The following CTNNA3 variants were observed in gnomAD, a reference collection of about 807,000 sequenced individuals.
The protein encoded by CTNNA3 is catenin alpha 3.
CTNNA3 carries 76 observed loss-of-function variants against 95.7 expected under a neutral mutation model. The ratio of observed to expected loss-of-function variants is 0.79; its 90% confidence interval spans 0.66 to 0.96. The LOEUF is 0.96. Ranked by LOEUF, CTNNA3 falls within the 40% of genes least tolerant of loss-of-function variation. The pLI is 0.00. For missense variants in CTNNA3, 1,191 were observed against 1,089.8 expected (o/e 1.09, Z -1.31); for synonymous variants, 431 against 374.4 (o/e 1.15, Z -1.74).
rs546259951 is a variant in CTNNA3 at position 67,757,138 on chromosome 10, A to G, written c.-2+6296T>C. Among the ~76,000 whole-genome samples the G allele has an allele frequency of 6.6e-5, 10 of 152,348 alleles. No individual in the cohort carries two copies. In the East Asian group the frequency reaches 1.2e-3, roughly 18 times the overall value. ...AACATCTGACAGAAACATGGAATAG[A>G]GCAAATGTATCTAGTTCTAGGGGGA... is the stretch of plus-strand genomic sequence containing the variant. On this transcript the variant is annotated intron_variant, in intron 1 of 17. Coordinates refer to the CTNNA3 transcript ENST00000684154.
chr10:67,025,947 T>C (rs1853350820), intron 7 of CTNNA3, among the ~76,000 whole-genome samples: 1 of 149,856 alleles, frequency 6.7e-6, no homozygotes, highest in African/African-American at 2.5e-5. Flanking sequence ...GATGAGTTCA[T>C]GTCCTTTGTA....
chr10:66,426,979 T>G (rs7896268), intron 11 of CTNNA3, among the ~76,000 whole-genome samples: 1 of 151,770 alleles, frequency 6.6e-6, no homozygotes, highest in Admixed American at 6.6e-5. Context: ...GTAACTAATA[T>G]TCTGATATTT....
chr10:66,295,608 A>G (rs553134063), intron 12 of CTNNA3, among the ~76,000 whole-genome samples: 2 of 152,292 alleles, frequency 1.3e-5, no homozygotes, highest in Admixed American at 6.5e-5. Flanking sequence ...AAATCAGGAC[A>G]CCATACCAGG....
intron 7 of CTNNA3, among the ~76,000 whole-genome samples, chr10:66,826,666 TAAG>T (rs1842525788): frequency 6.6e-6 from 1 of 152,216 alleles, no homozygotes; most frequent in Non-Finnish European, 1.5e-5. Context: ...TCTCTGATTT[TAAG>T]TAGTTTGAGA....
intron 5 of CTNNA3, among the ~76,000 whole-genome samples, chr10:67,300,268 C>T (rs182485136): frequency 5.9e-4 from 90 of 152,244 alleles, no homozygotes; most frequent in African/African-American, 2.1e-3. Flanking sequence ...TTTCAAACAC[C>T]TCGTTTGTAA....
intron 13 of CTNNA3, among the ~76,000 whole-genome samples, chr10:66,133,032 G>C (rs1436087052): frequency 6.6e-6 from 1 of 151,072 alleles, no homozygotes; most frequent in Admixed American, 6.6e-5. Flanking sequence ...ACCTGTACAA[G>C]TACCCCAGCA....
At chr10:67,365,457 A>T (rs1215305138) in intron 5 of CTNNA3, among the ~76,000 whole-genome samples, 1 of 152,210 alleles carries the variant, frequency 6.6e-6, no homozygotes, top group Non-Finnish European at 1.5e-5. Flanking sequence ...AAAGGGAGAA[A>T]CATTTTGCAA....
Position 66,520,505 on chromosome 10 carries a change from G to A in CTNNA3, c.1531+112C>T, listed in dbSNP as rs540845544. On this transcript the variant is annotated intron_variant, in intron 11 of 17. Transcript: ENST00000433211. ...GACCTCAAGTAATCCACCTGCCTCG[G>A]CTTCCCAAAGTGTTGGCATTACAGG... The A allele has an allele frequency of 5.9e-4, 537 of 914,950 alleles. 2 individuals carry two copies. The African/African-American group carries it at 8.2e-3, about 14-fold the overall frequency. 56.7% of individuals were successfully genotyped at this position (914,950 alleles called of 1,614,324 possible).
chr10:67,593,913 T>C (rs1340303100), intron 3 of CTNNA3, among the ~76,000 whole-genome samples: 1 of 152,156 alleles, frequency 6.6e-6, no homozygotes, highest in Admixed American at 6.5e-5. Flanking sequence ...ATGGCTTTTA[T>C]TATTTTGAGG....
intron 5 of CTNNA3, among the ~76,000 whole-genome samples, chr10:67,397,577 G>A (rs555116557): frequency 6.6e-6 from 1 of 152,322 alleles, no homozygotes; most frequent in Admixed American, 6.5e-5. Context: ...CATTTTCTGG[G>A]GAGAAATTCA....
At chr10:66,420,099 C>T (rs376332722) in intron 11 of CTNNA3, among the ~76,000 whole-genome samples, 2 of 152,064 alleles carry the variant, frequency 1.3e-5, no homozygotes, top group African/African-American at 4.8e-5. Context: ...AGTAAAGAAA[C>T]CACCTGTATG....
intron 14 of CTNNA3, among the ~76,000 whole-genome samples, chr10:66,092,282 G>C (rs986669922): frequency 9.2e-5 from 14 of 151,830 alleles, no homozygotes; most frequent in African/African-American, 3.4e-4. Flanking sequence ...GCTTCTTCCT[G>C]AATCACTTCT....
At chr10:67,153,747 A>T (rs1454682449) in intron 7 of CTNNA3, among the ~76,000 whole-genome samples, 1 of 152,040 alleles carries the variant, frequency 6.6e-6, no homozygotes, top group East Asian at 1.9e-4. Context: ...TTCTTTATTG[A>T]ACTAATTAAG....
At chr10:66,321,339 A>T (rs2092182485) in intron 12 of CTNNA3, among the ~76,000 whole-genome samples, 1 of 152,156 alleles carries the variant, frequency 6.6e-6, no homozygotes, top group Admixed American at 6.5e-5. Context: ...AAACATAAAA[A>T]CTAAAGGTAA....
intron 5 of CTNNA3, among the ~76,000 whole-genome samples, chr10:67,249,449 A>C (rs1174229783): frequency 6.6e-6 from 1 of 152,224 alleles, no homozygotes; most frequent in Non-Finnish European, 1.5e-5. Flanking sequence ...TCTAGATTAT[A>C]GTAAATCCTC....
At chr10:66,291,758 ATCTG>A (rs1218332777) in intron 12 of CTNNA3, among the ~76,000 whole-genome samples, 18 of 151,610 alleles carry the variant, frequency 1.2e-4, no homozygotes, top group Non-Finnish European at 2.7e-4. Flanking sequence ...ATTAATATAT[ATCTG>A]TCTGTATATA....
In CTNNA3 at chr10:66,225,390, AATATATAT is replaced by A. The variant is rs3053735; in HGVS notation, c.1884+55072_1884+55079del. On this transcript the variant is annotated intron_variant, in intron 13 of 17. Transcript: ENST00000433211. ...GACAGGATTTCATTCATTTTATTCA[AATATATAT>A]ATATATATATATATATATATATATG... Among the ~76,000 whole-genome samples, 566 of 125,954 alleles carry A rather than the reference AATATATAT, an allele frequency of 4.5e-3. 5 individuals are homozygous for A. Among genetic ancestry groups the A allele is most frequent in the African/African-American group, 0.011 (352 of 32,216 alleles). The allele number at this position is 125,954 out of a possible 152,430, so 82.6% of individuals were successfully genotyped here.
At chr10:66,398,326 T>A (rs974471103) in intron 11 of CTNNA3, among the ~76,000 whole-genome samples, 15 of 151,880 alleles carry the variant, frequency 9.9e-5, no homozygotes, top group African/African-American at 3.6e-4. Flanking sequence ...AATTATGTGC[T>A]CAAGAACAAA....
chr10:67,236,437 C>T (rs992709314), intron 5 of CTNNA3, among the ~76,000 whole-genome samples: 2 of 149,088 alleles, frequency 1.3e-5, no homozygotes, highest in Non-Finnish European at 2.9e-5. Context: ...CGCATATTCT[C>T]ACTCATAGGT....
Sources: allele counts gnomAD v4.1 joint callset (sites outside exome capture counted in the v4.1 genomes callset), GRCh38; gene constraint gnomAD v4.1.1; transcripts MANE v1.5; gene names NCBI Gene and HGNC (gene_info 2026-07-23, HGNC 2026-07-21).